Variants in KCNK9 observed in about 807,000 individuals in gnomAD.
The protein encoded by KCNK9 is potassium two pore domain channel subfamily K member 9.
KCNK9 carries 1 observed loss-of-function variant against 10.8 expected under a neutral mutation model. The observed-to-expected ratio is 0.09, with a 90% CI of 0.03 to 0.44. The LOEUF (loss-of-function observed/expected upper bound fraction) is 0.44. Ranked by LOEUF, KCNK9 falls within the 20% of genes least tolerant of loss-of-function variation. The pLI, the probability that KCNK9 is intolerant of heterozygous loss-of-function variation, is 0.97. For missense variants in KCNK9, 303 were observed against 515.0 expected (o/e 0.59, Z 3.98); for synonymous variants, 231 against 222.7 (o/e 1.04, Z -0.33).
At chr8:139,668,976 T>C (rs1181814019) in intron 1 of KCNK9, among the ~76,000 whole-genome samples, 3 of 152,178 alleles carry the variant, frequency 2.0e-5, no homozygotes, top group Non-Finnish European at 4.4e-5. Flanking sequence ...GCAATAGCAA[T>C]AAAGCAAGCC....
intron 1 of KCNK9, among the ~76,000 whole-genome samples, chr8:139,700,544 G>GCGCACA (rs796638723): frequency 7.0e-6 from 1 of 142,588 alleles, no homozygotes; most frequent in African/African-American, 2.6e-5. Flanking sequence ...ACACACGCGC[G>GCGCACA]CACACACACA....
At chr8:139,690,127 A>G (rs1303413085) in intron 1 of KCNK9, among the ~76,000 whole-genome samples, 2 of 152,218 alleles carry the variant, frequency 1.3e-5, no homozygotes, top group East Asian at 1.9e-4. Context: ...TAGCTAACTG[A>G]TAAAGGTGAA....
At chr8:139,688,729 T>G (rs1816874320) in intron 1 of KCNK9, among the ~76,000 whole-genome samples, 1 of 152,232 alleles carries the variant, frequency 6.6e-6, no homozygotes, top group African/African-American at 2.4e-5. Context: ...TTAATTAACA[T>G]GTTTGGACAA....
intron 1 of KCNK9, among the ~76,000 whole-genome samples, chr8:139,684,330 CT>C (rs1816746737): frequency 6.6e-6 from 1 of 152,194 alleles, no homozygotes; most frequent in Admixed American, 6.5e-5. Context: ...TATTTTCTTT[CT>C]GTCTTTTCTC....
At chr8:139,663,683 T>TGTGTGTGTGTGTGTGTGTGTGTGTG (rs1491113981) in intron 1 of KCNK9, among the ~76,000 whole-genome samples, 1 of 74,414 alleles carries the variant, frequency 1.3e-5, no homozygotes, top group African/African-American at 6.1e-5. Context: ...GTGTGTGTGT[T>TGTGTGTGTGTGTGTGTGTGTGTGTG]AGAGAGAGAG....
chr8:139,666,114 C>T (rs1816293832), intron 1 of KCNK9, among the ~76,000 whole-genome samples: 1 of 152,166 alleles, frequency 6.6e-6, no homozygotes, highest in Admixed American at 6.5e-5. Context: ...AGCCATGGGC[C>T]CTGTGGCAAT....
At chr8:139,683,310 G>A (rs561419337) in intron 1 of KCNK9, among the ~76,000 whole-genome samples, 1 of 152,110 alleles carries the variant, frequency 6.6e-6, no homozygotes, top group African/African-American at 2.4e-5. Flanking sequence ...CCCCACCCCT[G>A]CTGGCAGCTT....
At chr8:139,606,437 T>C (rs1817489387) in intron 2 of KCNK9, among the ~76,000 whole-genome samples, 1 of 152,138 alleles carries the variant, frequency 6.6e-6, no homozygotes, top group Admixed American at 6.5e-5. Context: ...TGCACACACA[T>C]ACCCCAGATG....
In KCNK9 at chr8:139,617,186, C is replaced by G. The variant is rs139657565; in HGVS notation, c.*1072G>C. ...GTCAATTTTCATGAGGAAAAGGAAC[C>G]ACAGCCACATACTAATACCCATTCT... On this transcript the variant is annotated 3_prime_UTR_variant, in exon 2 of 2. Coordinates refer to ENST00000520439, the MANE Select transcript of KCNK9 (RefSeq NM_001282534.2). Among the ~76,000 whole-genome samples, 591 of 152,212 alleles carry G rather than the reference C, an allele frequency of 3.9e-3. 4 individuals carry two copies. Among genetic ancestry groups the G allele is most frequent in the African/African-American group, 0.014 (577 of 41,534 alleles).
chr8:139,641,387 G>T (rs1815500579), intron 1 of KCNK9, among the ~76,000 whole-genome samples: 1 of 152,220 alleles, frequency 6.6e-6, no homozygotes, highest in South Asian at 2.1e-4. Context: ...AGGACATAGG[G>T]CTCAGCCCAG....
intron 1 of KCNK9, among the ~76,000 whole-genome samples, chr8:139,681,068 G>A (rs915369070): frequency 2.6e-5 from 4 of 152,188 alleles, no homozygotes; most frequent in Non-Finnish European, 5.9e-5. Flanking sequence ...GCATGGCACA[G>A]AACAGGCAGA....
chr8:139,623,418 A>ACTT, intron 1 of KCNK9, among the ~76,000 whole-genome samples: 1 of 151,978 alleles, frequency 6.6e-6, no homozygotes, highest in Non-Finnish European at 1.5e-5. Flanking sequence ...TTCCACAAAC[A>ACTT]CTTCTTTCCT....
At chr8:139,609,116 G>GCCCCACCCCGCCCCA (rs1490317093), downstream of KCNK9, among the ~76,000 whole-genome samples, 1 of 58,204 alleles carries the variant, frequency 1.7e-5, no homozygotes. Flanking sequence ...ACCCCACCCC[G>GCCCCACCCCGCCCCA]CCCCGCTCCG....
rs1270186999 is a variant in KCNK9 at position 139,617,872 on chromosome 8, A to T, written c.*386T>A. On this transcript the variant is annotated 3_prime_UTR_variant, in exon 2 of 2. Transcript: ENST00000520439. Reference sequence around the variant, plus strand: ...GGTAGGCGATTGAAGGCTGAGCGTGATGTGCAGCTTTGGGGTGGGTATCCT... The same window carrying T: ...GGTAGGCGATTGAAGGCTGAGCGTGTTGTGCAGCTTTGGGGTGGGTATCCT... 2 of 304,564 alleles carry T rather than the reference A, an allele frequency of 6.6e-6. No individual in the cohort carries two copies. The highest frequency in any genetic ancestry group is 2.2e-5 in the African/African-American group (1 of 45,754). 18.9% of individuals were successfully genotyped at this position (304,564 alleles called of 1,614,324 possible).
At position 139,702,027 on chromosome 8, in the gene KCNK9, C is replaced by T. The variant is rs1047016566; in HGVS notation, c.283+683G>A. Among the ~76,000 whole-genome samples the T allele has an allele frequency of 6.6e-6, 1 of 152,184 alleles. No individual in the cohort carries two copies. Among genetic ancestry groups the T allele is most frequent in the Non-Finnish European group, 1.5e-5 (1 of 68,022 alleles). Reference sequence around the variant, plus strand: ...GGGCAGGTTCTGCCCTGCCCCCACTCTCCACCTCTACTGAGAGCAATTGAG... The same window carrying T: ...GGGCAGGTTCTGCCCTGCCCCCACTTTCCACCTCTACTGAGAGCAATTGAG... On this transcript the variant is annotated intron_variant, in intron 1 of 1. Transcript: ENST00000520439. This position sits in a 1 kb window ranked among gnomAD's most constrained non-coding sequence, Gnocchi z 7.5.
intron 1 of KCNK9, among the ~76,000 whole-genome samples, chr8:139,677,807 C>A: frequency 6.8e-6 from 1 of 147,678 alleles, no homozygotes; most frequent in African/African-American, 2.7e-5. Context: ...TACCTCACCT[C>A]CCAGCCCAAC....
chr8:139,697,517 G>A (rs1251841972), intron 1 of KCNK9, among the ~76,000 whole-genome samples: 1 of 152,042 alleles, frequency 6.6e-6, no homozygotes, highest in African/African-American at 2.4e-5. Flanking sequence ...ATAAGCAGGT[G>A]CATGGAGGAC....
At chr8:139,696,574 G>A (rs1333151933) in intron 1 of KCNK9, among the ~76,000 whole-genome samples, 1 of 152,148 alleles carries the variant, frequency 6.6e-6, no homozygotes, top group Non-Finnish European at 1.5e-5. Context: ...ACATGGAAAG[G>A]CAGAGGCAGA....
chr8:139,673,116 G>T (rs1032671650), intron 1 of KCNK9, among the ~76,000 whole-genome samples: 6 of 152,180 alleles, frequency 3.9e-5, no homozygotes, highest in African/African-American at 1.2e-4. Context: ...CCCCTTAGTT[G>T]ACAAATGAGT....
Sources: allele counts gnomAD v4.1 joint callset (sites outside exome capture counted in the v4.1 genomes callset), GRCh38; gene constraint gnomAD v4.1.1; non-coding constraint Gnocchi (gnomAD v3.1); transcripts MANE v1.5; gene names NCBI Gene and HGNC (gene_info 2026-07-23, HGNC 2026-07-21).